The following PARD3B variants were observed in gnomAD, a reference collection of about 807,000 sequenced individuals.
The protein encoded by PARD3B is partitioning defective 3 homolog B.
PARD3B carries 103 observed loss-of-function variants against 130.2 expected under a neutral mutation model. The ratio of observed to expected loss-of-function variants is 0.79; its 90% CI spans 0.67 to 0.93. The LOEUF (loss-of-function observed/expected upper bound fraction) is 0.93. PARD3B is among the 40% of genes least tolerant of loss of function. The probability of loss-of-function intolerance (pLI) is 0.00; values close to 1 mark genes in which losing one functional copy is unlikely to be tolerated. For synonymous variants in PARD3B, 583 were observed against 553.2 expected (o/e 1.05, Z -0.76); for missense variants, 1,609 against 1,499.2 (o/e 1.07, Z -1.21).
intron 18 of PARD3B, among the ~76,000 whole-genome samples, chr2:205,333,660 G>T (rs1003296666): frequency 2.0e-5 from 3 of 152,104 alleles, no homozygotes; most frequent in African/African-American, 7.2e-5. Flanking sequence ...CAGCCAAAAT[G>T]CTTGACAATT....
Position 205,121,643 on chromosome 2 carries a change from G to T in PARD3B, c.859G>T (p.Val287Leu), listed in dbSNP as rs770492830. Residue 287 changes from valine (V) to leucine (L), a missense_variant, in exon 8 of 23, where the codon GTG (valine) becomes TTG (leucine). Val to Leu is a conservative substitution (Grantham distance 32). Transcript: ENST00000406610. This position sits in a 1 kb window ranked among gnomAD's most constrained non-coding sequence, Gnocchi z 5.0. ...GAAATCTCCAAGTGTGCTCCTCCAC[G>T]TGCTTCCTCCACAAAACCGTGAACA... is the stretch of plus-strand genomic sequence containing the variant. The part of the protein sequence containing the change: ...AMKSPSVLLH[V>L]LPPQNREQYE... The T allele has an allele frequency of 1.9e-6, 3 of 1,614,076 alleles. No individual in the cohort carries two copies. The South Asian group carries it at 3.3e-5, about 18-fold the overall frequency.
At chr2:205,058,226 T>G (rs1227400292) in intron 4 of PARD3B, among the ~76,000 whole-genome samples, 1 of 151,922 alleles carries the variant, frequency 6.6e-6, no homozygotes, top group East Asian at 1.9e-4. Context: ...AGCATAATAT[T>G]CTTAAGCATC....
intron 11 of PARD3B, among the ~76,000 whole-genome samples, chr2:205,169,414 A>T (rs1203282960): frequency 1.3e-5 from 2 of 152,180 alleles, no homozygotes; most frequent in African/African-American, 4.8e-5. Flanking sequence ...AACTGAAAAT[A>T]AAAAAATAAA....
At chr2:204,549,244 G>A (rs1031098604) in intron 1 of PARD3B, among the ~76,000 whole-genome samples, 3 of 152,144 alleles carry the variant, frequency 2.0e-5, no homozygotes, top group Admixed American at 6.5e-5. Flanking sequence ...CATTGGAAAC[G>A]TGGTGGACTG....
intron 1 of PARD3B, among the ~76,000 whole-genome samples, chr2:204,583,190 G>A (rs1574497417): frequency 8.0e-6 from 1 of 124,798 alleles, no homozygotes; most frequent in Non-Finnish European, 1.7e-5. Context: ...GTTTATTGCG[G>A]CATTATTCAC....
intron 4 of PARD3B, among the ~76,000 whole-genome samples, chr2:205,102,872 G>A (rs1467841387): frequency 6.6e-6 from 1 of 151,948 alleles, no homozygotes; most frequent in Non-Finnish European, 1.5e-5. Context: ...AGACCATCCT[G>A]GCTAACACGG....
chr2:205,413,298 A>G (rs1171243332), intron 19 of PARD3B, among the ~76,000 whole-genome samples: 2 of 152,160 alleles, frequency 1.3e-5, no homozygotes, highest in African/African-American at 4.8e-5. Flanking sequence ...ATTTTTCTGC[A>G]TGGAATCGTA....
intron 2 of PARD3B, among the ~76,000 whole-genome samples, chr2:204,825,098 C>T (rs2043518330): frequency 6.6e-6 from 1 of 152,196 alleles, no homozygotes; most frequent in Non-Finnish European, 1.5e-5. Flanking sequence ...TGTCCAAGTC[C>T]TGACTGTTCT....
chr2:205,317,164 A>C (rs1203633926), intron 18 of PARD3B, among the ~76,000 whole-genome samples: 3 of 152,210 alleles, frequency 2.0e-5, no homozygotes, highest in East Asian at 1.9e-4. Context: ...CTTGCAGTGT[A>C]CTCAGTAAAG....
intron 1 of PARD3B, among the ~76,000 whole-genome samples, chr2:204,548,040 T>G (rs2030126076): frequency 6.6e-6 from 1 of 152,118 alleles, no homozygotes; most frequent in African/African-American, 2.4e-5. Context: ...CTTTTAAAAT[T>G]TCATTTTAAG....
chr2:205,276,877 T>C lies in PARD3B; in HGVS notation c.2186-23653T>C, dbSNP rs12622484. Among the ~76,000 whole-genome samples, 83,540 of 152,048 alleles carry C rather than the reference T, an allele frequency of 0.55. 24,761 individuals are homozygous for C. The highest frequency in any genetic ancestry group is 0.68 in the Admixed American group (10,409 of 15,282). ...CTTAGTCATGCTGAGCCTCAGCTTA[T>C]TTAGCTTTAAATGATGGGTAATAAT... On this transcript the variant is annotated intron_variant, in intron 16 of 22. Coordinates refer to ENST00000406610, the MANE Select transcript of PARD3B (RefSeq NM_001302769.2). The surrounding 1 kb of genome is among the most constrained non-coding windows in gnomAD (Gnocchi z 5.0).
At chr2:204,866,359 A>C (rs1461271060) in intron 2 of PARD3B, among the ~76,000 whole-genome samples, 1 of 152,168 alleles carries the variant, frequency 6.6e-6, no homozygotes, top group East Asian at 1.9e-4. Context: ...TAAATGAAAC[A>C]CTAAAATAGG....
At chr2:204,597,461 T>A (rs1207165365) in intron 1 of PARD3B, among the ~76,000 whole-genome samples, 3 of 152,202 alleles carry the variant, frequency 2.0e-5, no homozygotes, top group Admixed American at 6.5e-5. Context: ...CCAGTTTAAG[T>A]GTCAATGTAG....
intron 18 of PARD3B, among the ~76,000 whole-genome samples, chr2:205,337,590 T>C (rs1294151479): frequency 6.6e-6 from 1 of 152,218 alleles, no homozygotes; most frequent in Non-Finnish European, 1.5e-5. Flanking sequence ...CTGAGAGTAC[T>C]AATTTTACTT....
chr2:205,325,498 T>G lies in PARD3B; in HGVS notation c.2630+23797T>G, dbSNP rs1339345586. Among the ~76,000 whole-genome samples the G allele has an allele frequency of 6.8e-6, 1 of 147,426 alleles. No homozygotes were observed. Among genetic ancestry groups the G allele is most frequent in the Middle Eastern group, 3.2e-3 (1 of 312 alleles). ...TCTCCACACTCAGTACTGATAAAGA[T>G]AGTTTACTAATATCATCTCATTGTT... On this transcript the variant is annotated intron_variant, in intron 18 of 22. Coordinates refer to ENST00000406610, the MANE Select transcript of PARD3B (RefSeq NM_001302769.2). The surrounding 1 kb of genome is among the most constrained non-coding windows in gnomAD (Gnocchi z 4.1).
chr2:205,222,193 G>T (rs138141418), intron 15 of PARD3B, among the ~76,000 whole-genome samples: 5 of 139,474 alleles, frequency 3.6e-5, no homozygotes, highest in Admixed American at 2.1e-4. Flanking sequence ...AAAAAAAAAA[G>T]AAACACATAT....
intron 19 of PARD3B, among the ~76,000 whole-genome samples, chr2:205,403,679 A>G (rs1379511893): frequency 1.3e-5 from 2 of 152,208 alleles, no homozygotes; most frequent in Non-Finnish European, 2.9e-5. Context: ...TGGGAGTTGG[A>G]GCCCAGGAAT....
intron 4 of PARD3B, among the ~76,000 whole-genome samples, chr2:205,080,100 C>T (rs1701312552): frequency 6.6e-6 from 1 of 152,138 alleles, no homozygotes; most frequent in Admixed American, 6.5e-5. Context: ...GAAAACTCAG[C>T]CTCCCTGGCT....
intron 11 of PARD3B, among the ~76,000 whole-genome samples, chr2:205,171,897 A>C (rs368737759): frequency 1.8e-4 from 27 of 152,316 alleles, no homozygotes; most frequent in African/African-American, 6.3e-4. Context: ...CGCCAGAGCA[A>C]ATGGCAGAAT....
Sources: allele counts gnomAD v4.1 joint callset (sites outside exome capture counted in the v4.1 genomes callset), GRCh38; gene constraint gnomAD v4.1.1; non-coding constraint Gnocchi (gnomAD v3.1); transcripts MANE v1.5; gene names NCBI Gene and HGNC (gene_info 2026-07-23, HGNC 2026-07-21).